The following SLX4IP variants were observed in gnomAD, a reference collection of about 807,000 sequenced individuals.
The protein encoded by SLX4IP is protein SLX4IP.
A neutral mutation model predicts 32.9 loss-of-function variants in SLX4IP; 34 were observed. That is an observed-to-expected ratio of 1.03 (90% CI 0.79 to 1.38). SLX4IP has a LOEUF of 1.38. Among genes scored for constraint, SLX4IP ranks in the 40% most tolerant of loss-of-function variants. The pLI is 0.00. For synonymous variants in SLX4IP, 172 were observed against 171.7 expected (o/e 1.00, Z -0.01); for missense variants, 444 against 479.0 (o/e 0.93, Z 0.68).
chr20:10,564,249 G>A lies in SLX4IP; in HGVS notation c.238+3429G>A, dbSNP rs118103513. Among the ~76,000 whole-genome samples the A allele has an allele frequency of 6.6e-5, 10 of 152,270 alleles. No homozygotes were observed. The East Asian group carries it at 1.9e-3, about 29-fold the overall frequency. On this transcript the variant is annotated intron_variant, in intron 4 of 7. Coordinates refer to ENST00000334534, the MANE Select transcript of SLX4IP (RefSeq NM_001009608.3). ...TCTCTATACATTTATCTAACTGCCT[G>A]TTTTCAGCTGATCCTATAGTCTTTT...
At chr20:10,478,289 T>C (rs1240636141) in intron 2 of SLX4IP, among the ~76,000 whole-genome samples, 2 of 152,214 alleles carry the variant, frequency 1.3e-5, no homozygotes, top group African/African-American at 4.8e-5. Context: ...CACATTTTCA[T>C]GTGTTTCCTA....
At chr20:10,536,364 TA>T (rs111395620) in intron 2 of SLX4IP, among the ~76,000 whole-genome samples, 10,143 of 141,742 alleles carry the variant, frequency 0.072, 473 homozygotes, top group African/African-American at 0.14. Flanking sequence ...CTTGTCTCTT[TA>T]AAAAAAAAAA....
At chr20:10,560,565 T>C (rs1657134008) in intron 3 of SLX4IP, 135 bp from the exon 4 acceptor site, 3 of 663,678 alleles carry the variant, frequency 4.5e-6, no homozygotes, top group Non-Finnish European at 6.9e-6. Flanking sequence ...TGAGCACATA[T>C]GACATTCCTT....
At chr20:10,524,811 A>G (rs894392454) in intron 2 of SLX4IP, among the ~76,000 whole-genome samples, 2 of 152,186 alleles carry the variant, frequency 1.3e-5, no homozygotes, top group African/African-American at 4.8e-5. Context: ...ATGCTTGCTC[A>G]CATCTGAAGC....
At chr20:10,516,443 G>A (rs1322522287) in intron 2 of SLX4IP, among the ~76,000 whole-genome samples, 1 of 152,174 alleles carries the variant, frequency 6.6e-6, no homozygotes, top group Non-Finnish European at 1.5e-5. Context: ...AATGAGGTTT[G>A]TCTTCTACTG....
At chr20:10,487,502 C>G (rs1197089995) in intron 2 of SLX4IP, among the ~76,000 whole-genome samples, 1 of 152,148 alleles carries the variant, frequency 6.6e-6, no homozygotes, top group Non-Finnish European at 1.5e-5. Context: ...TTGAACTGTT[C>G]TAACAGTTAG....
intron 1 of SLX4IP, among the ~76,000 whole-genome samples, chr20:10,448,000 C>T (rs960978590): frequency 5.3e-5 from 8 of 151,916 alleles, no homozygotes; most frequent in African/African-American, 1.5e-4. Flanking sequence ...CCACTGAACC[C>T]GGCCTCTACT....
chr20:10,598,642 C>T (rs1445176536), intron 4 of SLX4IP, 33 bp from the exon 5 acceptor site: 5 of 1,601,220 alleles, frequency 3.1e-6, no homozygotes, highest in Non-Finnish European at 4.3e-6. Flanking sequence ...GGCAAACAAA[C>T]TTAACTTAGT....
At position 10,624,496 on chromosome 20, in the gene SLX4IP, A is replaced by C. The variant is rs2067151888; in HGVS notation, c.*1117A>C. ...GGATGGACACCCGCTAAAAGTTTCCAATAACCGAATTTCACTCTAAAAGAG... is the reference window on the plus strand; with the variant it reads ...GGATGGACACCCGCTAAAAGTTTCCCATAACCGAATTTCACTCTAAAAGAG... On this transcript the variant is annotated 3_prime_UTR_variant, in exon 8 of 8. Coordinates refer to ENST00000334534, the MANE Select transcript of SLX4IP (RefSeq NM_001009608.3). 6.6e-6 allele frequency: 1 copy of C among 152,198 alleles called. No homozygotes were observed. The allele number at this position is 152,198 out of a possible 1,614,324, so 9.4% of individuals were successfully genotyped here.
chr20:10,596,093 TCA>T (rs2066768303), intron 4 of SLX4IP, among the ~76,000 whole-genome samples: 1 of 152,146 alleles, frequency 6.6e-6, no homozygotes, highest in African/African-American at 2.4e-5. Flanking sequence ...GGGGAAGGTG[TCA>T]TATTGAGACT....
intron 2 of SLX4IP, among the ~76,000 whole-genome samples, chr20:10,507,029 G>T (rs548980388): frequency 6.6e-6 from 1 of 152,148 alleles, no homozygotes; most frequent in Non-Finnish European, 1.5e-5. Context: ...GTGGTGGGGC[G>T]GTGAGAACAC....
intron 4 of SLX4IP, among the ~76,000 whole-genome samples, chr20:10,584,737 C>T (rs2066625557): frequency 6.6e-6 from 1 of 152,046 alleles, no homozygotes; most frequent in Admixed American, 6.5e-5. Context: ...TGGAAAGACC[C>T]TAGACTAGTA....
At chr20:10,614,022 T>G in intron 6 of SLX4IP, 1 of 1,374,218 alleles carries the variant, frequency 7.3e-7, no homozygotes, top group South Asian at 1.2e-5. Context: ...GAGAATGGAA[T>G]AGACTTTTTC....
Position 10,598,656 on chromosome 20 carries a change from G to A in SLX4IP, c.239-19G>A. The A allele has an allele frequency of 6.2e-7, 1 of 1,611,778 alleles. No homozygotes were observed. The highest frequency in any genetic ancestry group is 8.5e-7 in the Non-Finnish European group (1 of 1,177,820). On this transcript the variant is annotated intron_variant, in intron 4 of 7. Transcript: ENST00000334534. Reference sequence around the variant, plus strand: ...CGGCAAACAAACTTAACTTAGTGATGTTCCCTTTCACTTTCCAGGTTATGG... The same window carrying A: ...CGGCAAACAAACTTAACTTAGTGATATTCCCTTTCACTTTCCAGGTTATGG...
intron 6 of SLX4IP, among the ~76,000 whole-genome samples, chr20:10,602,105 T>G (rs907809393): frequency 1.3e-5 from 2 of 152,224 alleles, no homozygotes; most frequent in Non-Finnish European, 1.5e-5. Context: ...TGATAGTGTT[T>G]AAATGAAATA....
Position 10,473,182 on chromosome 20 carries a change from T to C in SLX4IP, c.27+14951T>C, listed in dbSNP as rs549770276. ...GTCTGGCTGTTATACGCTGTGGTGG[T>C]ACTTAGCTTGTGAACCAGGCCTGAT... On this transcript the variant is annotated intron_variant, in intron 2 of 7. Transcript: ENST00000334534. Among the ~76,000 whole-genome samples the C allele has an allele frequency of 6.6e-4, 100 of 152,324 alleles. 1 individual carries two copies. Among genetic ancestry groups the C allele is most frequent in the African/African-American group, 2.3e-3 (94 of 41,572 alleles).
intron 2 of SLX4IP, among the ~76,000 whole-genome samples, chr20:10,459,699 C>G (rs1176320522): frequency 6.6e-6 from 1 of 152,158 alleles, no homozygotes; most frequent in Non-Finnish European, 1.5e-5. Flanking sequence ...CCTGGTTGCC[C>G]TCTTTCATTT....
chr20:10,491,115 G>A (rs918780415), intron 2 of SLX4IP, among the ~76,000 whole-genome samples: 1 of 151,230 alleles, frequency 6.6e-6, no homozygotes, highest in African/African-American at 2.4e-5. Context: ...CTTGCCTCTT[G>A]TCTTGCTTTG....
chr20:10,481,214 T>G (rs1008369633), intron 2 of SLX4IP, among the ~76,000 whole-genome samples: 14 of 152,172 alleles, frequency 9.2e-5, no homozygotes, highest in African/African-American at 3.4e-4. Context: ...ATATATTGTA[T>G]AGTGGTGATG....
Sources: allele counts gnomAD v4.1 joint callset (sites outside exome capture counted in the v4.1 genomes callset), GRCh38; gene constraint gnomAD v4.1.1; transcripts MANE v1.5; gene names NCBI Gene and HGNC (gene_info 2026-07-23, HGNC 2026-07-21).